Variants in SCEL observed in about 807,000 individuals in gnomAD.
SCEL encodes sciellin.
In SCEL, 113 loss-of-function variants were observed where a neutral mutation model predicts 117.6. The ratio of observed to expected loss-of-function variants is 0.96; its 90% CI spans 0.83 to 1.12. SCEL has a LOEUF of 1.12. Among genes scored for constraint, SCEL ranks in the 50% most tolerant of loss-of-function variants. The pLI, the probability that SCEL is intolerant of heterozygous loss-of-function variation, is 0.00. For synonymous variants in SCEL, 270 were observed against 256.2 expected (o/e 1.05, Z -0.51); for missense variants, 785 against 810.8 (o/e 0.97, Z 0.39).
intron 24 of SCEL, among the ~76,000 whole-genome samples, chr13:77,614,562 T>C (rs1394485941): frequency 6.6e-6 from 1 of 152,180 alleles, no homozygotes; most frequent in Non-Finnish European, 1.5e-5. Flanking sequence ...GTTTTATATA[T>C]AAATATATCT....
chr13:77,553,680 C>T (rs2084483445), intron 1 of SCEL, among the ~76,000 whole-genome samples: 1 of 152,040 alleles, frequency 6.6e-6, no homozygotes, highest in African/African-American at 2.4e-5. Context: ...TCCCTTCCCA[C>T]ATCCAACCAT....
At chr13:77,614,342 A>G (rs895033060) in intron 24 of SCEL, among the ~76,000 whole-genome samples, 12 of 152,192 alleles carry the variant, frequency 7.9e-5, no homozygotes, top group African/African-American at 2.2e-4. Context: ...CTTCCATTAG[A>G]CTAATCATTA....
chr13:77,622,155 C>G (rs9574091), intron 27 of SCEL, among the ~76,000 whole-genome samples: 22,796 of 152,022 alleles, frequency 0.15, 1,875 homozygotes, highest in African/African-American at 0.17. Context: ...TAGTTCCTGG[C>G]GTAAAAGGAA....
intron 4 of SCEL, 106 bp downstream of exon 4, chr13:77,559,969 C>T (rs1428176988): frequency 4.2e-6 from 4 of 941,188 alleles, no homozygotes; most frequent in Non-Finnish European, 6.8e-6. Flanking sequence ...CTTGGGCTTT[C>T]CCCGATGTTC....
intron 1 of SCEL, among the ~76,000 whole-genome samples, chr13:77,546,838 T>C (rs995402878): frequency 6.6e-6 from 1 of 152,178 alleles, no homozygotes. Flanking sequence ...TGCTCTGCTA[T>C]TTTTCGTGTG....
rs187864057 is a variant in SCEL at position 77,596,136 on chromosome 13, C to G, written c.753-1409C>G. Among the ~76,000 whole-genome samples, 377 of 152,122 alleles carry G rather than the reference C, an allele frequency of 2.5e-3. 2 individuals carry two copies. Among genetic ancestry groups the G allele is most frequent in the African/African-American group, 8.3e-3 (346 of 41,492 alleles). On this transcript the variant is annotated intron_variant, in intron 12 of 32. Coordinates refer to ENST00000349847, the MANE Select transcript of SCEL (RefSeq NM_144777.3). ...TCACCTGAGGTAAGGAGTTCAAGACCAGCTTGGCAAACATGGTGAAACCCC... is the reference window on the plus strand; with the variant it reads ...TCACCTGAGGTAAGGAGTTCAAGACGAGCTTGGCAAACATGGTGAAACCCC...
intron 8 of SCEL, among the ~76,000 whole-genome samples, chr13:77,570,572 G>A (rs1190977936): frequency 6.6e-6 from 1 of 152,184 alleles, no homozygotes; most frequent in Non-Finnish European, 1.5e-5. Context: ...TCTTAGTTGA[G>A]TTCTGCAGCG....
chr13:77,588,891 G>T (rs1201948739), intron 9 of SCEL, among the ~76,000 whole-genome samples: 1 of 152,138 alleles, frequency 6.6e-6, no homozygotes, highest in African/African-American at 2.4e-5. Flanking sequence ...ACATAGTATA[G>T]TCCAAACTAT....
At chr13:77,563,384 T>G (rs962732631) in intron 4 of SCEL, among the ~76,000 whole-genome samples, 1 of 152,222 alleles carries the variant, frequency 6.6e-6, no homozygotes, top group Non-Finnish European at 1.5e-5. Context: ...ACAAAGCATT[T>G]ATGGATTTAG....
chr13:77,642,908 A>C (rs940495788), intron 32 of SCEL, 100 bp downstream of exon 32: 18 of 562,798 alleles, frequency 3.2e-5, no homozygotes, highest in Middle Eastern at 4.6e-4. Flanking sequence ...ACATTTTACT[A>C]GTTATATTTA....
At chr13:77,593,294 G>GCGTC (rs2086999610) in intron 11 of SCEL, among the ~76,000 whole-genome samples, 1 of 125,146 alleles carries the variant, frequency 8.0e-6, no homozygotes. Context: ...GTGTGTGTGT[G>GCGTC]TGTCTGTGTG....
intron 1 of SCEL, among the ~76,000 whole-genome samples, chr13:77,543,939 T>G (rs1161087160): frequency 1.3e-5 from 2 of 152,186 alleles, no homozygotes; most frequent in African/African-American, 4.8e-5. Flanking sequence ...CTACTCATCT[T>G]GAGACTCCTT....
intron 28 of SCEL, among the ~76,000 whole-genome samples, chr13:77,630,863 CAATT>C (rs1462689407): frequency 2.6e-5 from 4 of 152,186 alleles, no homozygotes; most frequent in Non-Finnish European, 4.4e-5. Context: ...AACTTCCTAA[CAATT>C]AAGCCATCAA....
chr13:77,607,412 AC>A (rs1028652316), intron 19 of SCEL, among the ~76,000 whole-genome samples: 15 of 152,332 alleles, frequency 9.8e-5, no homozygotes, highest in Admixed American at 9.1e-4. Flanking sequence ...GATATATCTT[AC>A]ATTTCAGAAT....
intron 24 of SCEL, among the ~76,000 whole-genome samples, chr13:77,614,755 T>G (rs1013285342): frequency 5.9e-5 from 9 of 152,048 alleles, no homozygotes; most frequent in African/African-American, 2.2e-4. Context: ...CTCAGAAAGG[T>G]TAAGTGATTT....
chr13:77,568,826 G>A (rs1593964652), intron 7 of SCEL, among the ~76,000 whole-genome samples: 2 of 152,230 alleles, frequency 1.3e-5, no homozygotes, highest in Admixed American at 1.3e-4. Context: ...AAATCAGACA[G>A]ATTTATAAAC....
At chr13:77,608,585 G>A (rs2088406133) in intron 20 of SCEL, among the ~76,000 whole-genome samples, 1 of 152,102 alleles carries the variant, frequency 6.6e-6, no homozygotes, top group African/African-American at 2.4e-5. Context: ...GGACGACAGA[G>A]CCAAACACCA....
intron 6 of SCEL, among the ~76,000 whole-genome samples, 157 bp from the exon 7 acceptor site, chr13:77,568,138 T>A (rs1349496593): frequency 6.6e-6 from 1 of 152,250 alleles, no homozygotes; most frequent in African/African-American, 2.4e-5. Context: ...GACAAAATCA[T>A]GAAATCATCT....
At chr13:77,567,621 T>C in intron 5 of SCEL, 59 bp from the exon 6 acceptor site, 2 of 1,193,848 alleles carry the variant, frequency 1.7e-6, no homozygotes, top group Non-Finnish European at 2.5e-6. Flanking sequence ...GAAAATGGTC[T>C]GAAAGGAGTT....
Sources: gnomAD v4.1 joint callset for allele counts (sites outside exome capture counted in the v4.1 genomes callset) on GRCh38, gnomAD v4.1.1 for gene constraint, MANE v1.5 for transcripts, NCBI Gene and HGNC (gene_info 2026-07-23, HGNC 2026-07-21) for gene names.